The following ATXN2 variants were observed in gnomAD, a reference collection of about 807,000 sequenced individuals.
ATXN2 encodes the protein ataxin-2.
Under a neutral mutation model 138.6 loss-of-function variants are expected in ATXN2, and 37 were observed. That is an observed-to-expected ratio of 0.27 (90% CI 0.21 to 0.35). The LOEUF is 0.35. Ranked by LOEUF, ATXN2 falls within the 10% of genes least tolerant of loss-of-function variation. The pLI, the probability that ATXN2 is intolerant of heterozygous loss-of-function variation, is 1.00. For synonymous variants in ATXN2, 549 were observed against 543.7 expected, an observed-to-expected ratio of 1.01 and a Z score of -0.13; for missense variants, 1,216 against 1,480.3, an observed-to-expected ratio of 0.82 and a Z score of 2.93.
intron 1 of ATXN2, among the ~76,000 whole-genome samples, chr12:111,574,568 T>C (rs781152078): frequency 5.3e-5 from 8 of 151,908 alleles, no homozygotes; most frequent in Non-Finnish European, 1.2e-4. Flanking sequence ...GCTGAGACTA[T>C]ACGCATGCAC....
At chr12:111,508,177 A>G (rs1879291097) in intron 14 of ATXN2, among the ~76,000 whole-genome samples, 3 of 151,924 alleles carry the variant, frequency 2.0e-5, no homozygotes, top group Admixed American at 2.0e-4. Flanking sequence ...AAAAGACTTT[A>G]TAGCAAATTT....
intron 14 of ATXN2, among the ~76,000 whole-genome samples, chr12:111,492,458 C>G (rs1878098756): frequency 6.6e-6 from 1 of 152,160 alleles, no homozygotes; most frequent in South Asian, 2.1e-4. Flanking sequence ...CCAAGGCGGA[C>G]AGATCACGAG....
intron 5 of ATXN2, among the ~76,000 whole-genome samples, chr12:111,549,162 T>C (rs2135781918): frequency 6.6e-6 from 1 of 152,196 alleles, no homozygotes; most frequent in Non-Finnish European, 1.5e-5. Flanking sequence ...GTGAGAACAT[T>C]TTTAAAAACT....
chr12:111,577,055 C>T (rs1246273807), intron 1 of ATXN2, among the ~76,000 whole-genome samples: 1 of 151,914 alleles, frequency 6.6e-6, no homozygotes. Flanking sequence ...GATCTGCCCG[C>T]CTCGGCCTCC....
rs144813155 is a variant in ATXN2 at position 111,488,610 on chromosome 12, G to A, written c.2106C>T (p.Pro702=). ...TACTAAGTATTGAAGGGGAAATGCT[G>A]GGGCTATTCGGCTTGCTGCTGCCAC... ...CTSGSSKPNS[P]SISPSILSNT... Residue 702 remains proline, a synonymous_variant, in exon 15 of 25, where the codon CCC becomes CCT. Coordinates refer to ENST00000673436, the MANE Select transcript of ATXN2 (RefSeq NM_001372574.1). The A allele has an allele frequency of 1.9e-6, 3 of 1,614,156 alleles. No individual in the cohort carries two copies. The South Asian group carries it at 3.3e-5, about 18-fold the overall frequency.
In ATXN2 at chr12:111,545,299, G is replaced by T. The variant is rs117203508; in HGVS notation, c.571+6981C>A. 3.7e-4 allele frequency among the ~76,000 whole-genome samples: 56 copies of T among 149,884 alleles called. No homozygotes were observed. The East Asian group carries it at 8.3e-3, about 22-fold the overall frequency. On this transcript the variant is annotated intron_variant, in intron 5 of 24. Coordinates refer to ENST00000673436, the MANE Select transcript of ATXN2 (RefSeq NM_001372574.1). ...ACAGAGAAGTGGTATAAAAGAGCAA[G>T]GAGAAAAAAAAAGATGGCCAGGCGT...
chr12:111,571,841 A>T (rs1883332522), intron 1 of ATXN2, among the ~76,000 whole-genome samples: 1 of 151,462 alleles, frequency 6.6e-6, no homozygotes, highest in South Asian at 2.1e-4. Context: ...GCGAAACCCC[A>T]TCTTTACTAA....
intron 1 of ATXN2, chr12:111,581,619 C>A: frequency 1.3e-6 from 1 of 786,864 alleles, no homozygotes; most frequent in South Asian, 1.3e-5. Context: ...TTGGCCTACT[C>A]CGTGAAGTCT....
At chr12:111,526,236 G>T (rs895784111) in intron 5 of ATXN2, among the ~76,000 whole-genome samples, 2 of 151,300 alleles carry the variant, frequency 1.3e-5, no homozygotes, top group Non-Finnish European at 2.9e-5. Flanking sequence ...CATGCCTGTA[G>T]TCCCAGCTAC....
chr12:111,457,174 T>A (rs779310382), intron 22 of ATXN2, 40 bp downstream of exon 22: 7 of 1,582,586 alleles, frequency 4.4e-6, no homozygotes, highest in Non-Finnish European at 6.0e-6. Flanking sequence ...GATACTAGGA[T>A]AAAGAAGCCA....
intron 5 of ATXN2, among the ~76,000 whole-genome samples, chr12:111,538,876 C>A (rs1881339174): frequency 6.7e-6 from 1 of 150,068 alleles, no homozygotes. Context: ...ACATCAAATT[C>A]TACAGCAAAG....
rs1874864946 is a variant in ATXN2 at position 111,453,878 on chromosome 12, AAC to A, written c.3271-35_3271-34del. 6.4e-7 allele frequency: 1 copy of A among 1,574,076 alleles called. No homozygotes were observed. The highest frequency in any genetic ancestry group is 8.7e-7 in the Non-Finnish European group (1 of 1,155,780). On this transcript the variant is annotated intron_variant, in intron 23 of 24. Transcript: ENST00000673436. This position sits in a 1 kb window ranked among gnomAD's most constrained non-coding sequence, Gnocchi z 5.4. ...AGAGAGCTCTTTTACGCATACAGGC[AAC>A]ATCTCCGGCTTCAACAACATGTCAA...
intron 6 of ATXN2, among the ~76,000 whole-genome samples, chr12:111,523,620 G>C (rs1014626179): frequency 5.3e-5 from 8 of 152,106 alleles, no homozygotes; most frequent in Admixed American, 3.9e-4. Flanking sequence ...CAGCTGCTTG[G>C]AAAGCTGAGG....
rs145337671 is a variant in ATXN2, at chr12:111,516,254, G to A, written c.1275C>T (p.Pro425=). 39 of 1,568,802 alleles carry A rather than the reference G, an allele frequency of 2.5e-5. No homozygotes were observed. The African/African-American group carries it at 4.8e-4, about 19-fold the overall frequency. The change falls in exon 10 of 25, where the codon CCC becomes CCT. Residue 425 remains proline, a synonymous_variant. Transcript: ENST00000673436. The surrounding 1 kb of genome is among the most constrained non-coding windows in gnomAD (Gnocchi z 5.0). ...TGGATGGCCGCGAGGGGGGCCTGGA[G>A]GGCGGCCGTGTAGGGGTGGCTGCCC... The part of the protein sequence containing the change: ...PPRAATPTRP[P]SRPPSRPSRP...
chr12:111,519,037 T>C (rs1267141832), intron 8 of ATXN2, among the ~76,000 whole-genome samples: 1 of 152,142 alleles, frequency 6.6e-6, no homozygotes, highest in Non-Finnish European at 1.5e-5. Context: ...AGTCACTGTT[T>C]TTCCCCTCAA....
At chr12:111,483,388 T>C (rs560410134) in intron 18 of ATXN2, among the ~76,000 whole-genome samples, 87 of 145,596 alleles carry the variant, frequency 6.0e-4, no homozygotes, top group African/African-American at 2.1e-3. Context: ...TAGCAGTTAA[T>C]CACTCTAAAT....
intron 14 of ATXN2, among the ~76,000 whole-genome samples, chr12:111,506,300 G>A (rs147099275): frequency 5.0e-4 from 76 of 152,020 alleles, no homozygotes; most frequent in African/African-American, 1.5e-3. Context: ...CTGAGAAGAC[G>A]GTTGTACAAC....
Position 111,519,903 on chromosome 12 carries a change from C to G in ATXN2, c.962G>C (p.Arg321Pro), listed in dbSNP as rs571677082. 8.1e-6 allele frequency: 13 copies of G among 1,614,044 alleles called. No homozygotes were observed. Among genetic ancestry groups the G allele is most frequent in the Non-Finnish European group, 1.1e-5 (13 of 1,180,024 alleles). Reference protein sequence around the residue: ...YTAVQRNSSEREGHSINTREN... With the variant: ...YTAVQRNSSEPEGHSINTREN... ...CCTAGTGTTTATGCTGTGCCCCTCACGTTCACTGGAATTTCTCTGAACTGC... is the reference window on the plus strand; with the variant it reads ...CCTAGTGTTTATGCTGTGCCCCTCAGGTTCACTGGAATTTCTCTGAACTGC... The change falls in exon 8 of 25, where the codon CGT becomes CCT. Residue 321 changes from arginine (R) to proline (P), a missense_variant. Coordinates refer to ENST00000673436, the MANE Select transcript of ATXN2 (RefSeq NM_001372574.1).
rs577984312 is a variant in ATXN2 at position 111,566,075 on chromosome 12, C to T, written c.252-10156G>A. Among the ~76,000 whole-genome samples the T allele has an allele frequency of 6.1e-4, 93 of 152,112 alleles. No homozygotes were observed. The Middle Eastern group carries it at 0.014, about 22-fold the overall frequency. ...AAGGACATAAATGTTTTCATAACTG[C>T]TAACACAAGAATCAGTCCATAGCCC... On this transcript the variant is annotated intron_variant, in intron 1 of 24. Transcript: ENST00000673436.
Sources: allele counts gnomAD v4.1 joint callset (sites outside exome capture counted in the v4.1 genomes callset), GRCh38; gene constraint gnomAD v4.1.1; non-coding constraint Gnocchi (gnomAD v3.1); transcripts MANE v1.5; gene names NCBI Gene and HGNC (gene_info 2026-07-23, HGNC 2026-07-21).